OSBPL10: variants seen among roughly 807,000 people sequenced by gnomAD.
The protein encoded by OSBPL10 is oxysterol binding protein like 10.
OSBPL10 carries 49 observed loss-of-function variants against 81.7 expected under a neutral mutation model. The observed-to-expected ratio is 0.60, with a 90% CI of 0.48 to 0.76. The LOEUF is 0.76. Among genes scored for constraint, OSBPL10 ranks in the 30% least tolerant of loss-of-function variants. OSBPL10 has a pLI of 0.00. For missense variants in OSBPL10, 923 were observed against 987.8 expected (o/e 0.93, Z 0.88); for synonymous variants, 419 against 383.6 (o/e 1.09, Z -1.08).
chr3:31,709,792 G>A (rs1696194624), intron 6 of OSBPL10, among the ~76,000 whole-genome samples: 1 of 152,182 alleles, frequency 6.6e-6, no homozygotes, highest in African/African-American at 2.4e-5. Flanking sequence ...AGCAGGGAAA[G>A]GGCAGGGCCC....
intron 6 of OSBPL10, among the ~76,000 whole-genome samples, chr3:31,720,045 C>CAT (rs10628664): frequency 0.09 from 13,277 of 147,810 alleles, 1,442 homozygotes; most frequent in African/African-American, 0.26. Flanking sequence ...AGTTAAAGAA[C>CAT]ATATATATAT....
chr3:31,902,332 G>A (rs35835015), intron 1 of OSBPL10, among the ~76,000 whole-genome samples: 30,950 of 145,904 alleles, frequency 0.21, 3,897 homozygotes, highest in Admixed American at 0.31. Flanking sequence ...GCACCATCTC[G>A]GCTTACTGCA....
At chr3:32,026,045 TAGATAGATAGATGATAGATA>T (rs1235547909) in intron 2 of OSBPL10, among the ~76,000 whole-genome samples, 47 of 120,944 alleles carry the variant, frequency 3.9e-4, no homozygotes, top group African/African-American at 1.2e-3. Flanking sequence ...GATAGATAGA[TAGATAGATAGATGATAGATA>T]GATAGATAGA....
In OSBPL10 at chr3:31,824,796, A is replaced by G. The variant is rs371502320; in HGVS notation, c.729+5244T>C. Reference sequence around the variant, plus strand: ...TGGGTTCTTCCTTGTTTGCCAGCGGATATCTTGCAGTTGCGGGTATATCAT... The same window carrying G: ...TGGGTTCTTCCTTGTTTGCCAGCGGGTATCTTGCAGTTGCGGGTATATCAT... On this transcript the variant is annotated intron_variant, in intron 4 of 11. Coordinates refer to ENST00000396556, the MANE Select transcript of OSBPL10 (RefSeq NM_017784.5). Among the ~76,000 whole-genome samples, 233 of 152,172 alleles carry G rather than the reference A, an allele frequency of 1.5e-3. 1 individual carries two copies. The highest frequency in any genetic ancestry group is 5.4e-3 in the South Asian group (26 of 4,820).
chr3:31,726,940 C>T (rs1009995839), intron 6 of OSBPL10, among the ~76,000 whole-genome samples: 1 of 151,474 alleles, frequency 6.6e-6, no homozygotes, highest in Non-Finnish European at 1.5e-5. Flanking sequence ...ACCTCCCAGG[C>T]TCAAGGAATC....
chr3:31,812,204 G>A lies in OSBPL10; in HGVS notation c.729+17836C>T, dbSNP rs145916386. Among the ~76,000 whole-genome samples the A allele has an allele frequency of 2.5e-3, 383 of 152,160 alleles. 3 individuals are homozygous for A. The highest frequency in any genetic ancestry group is 8.5e-3 in the African/African-American group (355 of 41,546). On this transcript the variant is annotated intron_variant, in intron 4 of 11. Transcript: ENST00000396556. The stretch of plus-strand genomic sequence containing the variant: ...CTGCCACCATGCCCAGCTAATTTTT[G>A]TACTTTTAGTAGTGACGGGATTTTG...
In OSBPL10 at chr3:31,812,794, GAAAGAAAGAAAGAAAGAAAGAAAGAGAA is replaced by G. The variant is rs1559476442; in HGVS notation, c.729+17218_729+17245del. ...AGAAAGAAAGAAAGAAAGAAAGAAA[GAAAGAAAGAAAGAAAGAAAGAAAGAGAA>G]AGAAAGAAAGAAAGAAAGAAAGAAC... On this transcript the variant is annotated intron_variant, in intron 4 of 11. Transcript: ENST00000396556. Among the ~76,000 whole-genome samples, 329 of 46,566 alleles carry G rather than the reference GAAAGAAAGAAAGAAAGAAAGAAAGAGAA, an allele frequency of 7.1e-3. 2 individuals carry two copies. The highest frequency in any genetic ancestry group is 9.4e-3 in the Non-Finnish European group (242 of 25,718). The allele number at this position is 46,566 out of a possible 152,430, so 30.5% of individuals were successfully genotyped here. A position where few individuals can be genotyped will look rare whatever the true frequency, so the allele number is the denominator to read the frequency against.
chr3:31,891,671 T>C (rs1695894132), intron 1 of OSBPL10, among the ~76,000 whole-genome samples: 1 of 152,212 alleles, frequency 6.6e-6, no homozygotes, highest in South Asian at 2.1e-4. Context: ...GAGCTTGTGT[T>C]TGCCATTTTT....
intron 4 of OSBPL10, among the ~76,000 whole-genome samples, chr3:31,812,798 GAAAGAAAGAA>G (rs1559476457): frequency 1.9e-4 from 9 of 48,342 alleles, no homozygotes; most frequent in African/African-American, 8.8e-4. Flanking sequence ...AAGAAAGAAA[GAAAGAAAGAA>G]AGAAAGAAAG....
At chr3:31,913,232 T>C (rs867004902) in intron 1 of OSBPL10, among the ~76,000 whole-genome samples, 6 of 144,428 alleles carry the variant, frequency 4.2e-5, no homozygotes, top group South Asian at 2.3e-4. Flanking sequence ...TACTAGGTTT[T>C]TTTTTTTATT....
intron 1 of OSBPL10, among the ~76,000 whole-genome samples, chr3:31,957,588 T>G (rs1477796689): frequency 1.3e-5 from 2 of 152,240 alleles, no homozygotes; most frequent in Non-Finnish European, 1.5e-5. Context: ...TGGAGATATG[T>G]ACTTGGAGAT....
At chr3:31,754,569 G>C (rs556561354) in intron 4 of OSBPL10, among the ~76,000 whole-genome samples, 1 of 152,184 alleles carries the variant, frequency 6.6e-6, no homozygotes, top group Non-Finnish European at 1.5e-5. Flanking sequence ...CAAACAAAAG[G>C]TAAACAGGCG....
intron 2 of OSBPL10, among the ~76,000 whole-genome samples, chr3:32,022,329 AG>A (rs1167931420): frequency 6.6e-6 from 1 of 152,206 alleles, no homozygotes; most frequent in African/African-American, 2.4e-5. Flanking sequence ...CTCATACTTA[AG>A]ACCCAAACTC....
intron 6 of OSBPL10, among the ~76,000 whole-genome samples, chr3:31,717,947 C>G (rs1225263266): frequency 6.6e-6 from 1 of 152,114 alleles, no homozygotes; most frequent in African/African-American, 2.4e-5. Context: ...TGGGGTAATG[C>G]AAACGGTATG....
chr3:31,871,361 C>T (rs982480460), intron 3 of OSBPL10, among the ~76,000 whole-genome samples: 2 of 152,004 alleles, frequency 1.3e-5, no homozygotes, highest in Non-Finnish European at 2.9e-5. Context: ...CCTGAGCCAG[C>T]GAGACTATGA....
intron 2 of OSBPL10, among the ~76,000 whole-genome samples, chr3:32,023,841 T>C (rs1233317190): frequency 6.6e-6 from 1 of 152,224 alleles, no homozygotes; most frequent in African/African-American, 2.4e-5. Context: ...TTCCTATATA[T>C]GTAAACTTTA....
At chr3:31,743,663 GA>G (rs869306280) in intron 5 of OSBPL10, among the ~76,000 whole-genome samples, 2 of 138,414 alleles carry the variant, frequency 1.4e-5, no homozygotes, top group African/African-American at 2.5e-5. Context: ...GGGACAGAAG[GA>G]AAAAAAAACA....
At chr3:31,769,141 G>A (rs9875775) in intron 4 of OSBPL10, among the ~76,000 whole-genome samples, 7,754 of 152,114 alleles carry the variant, frequency 0.051, 646 homozygotes, top group African/African-American at 0.18. Context: ...ATGCAAGCAT[G>A]AAATAATCAA....
At chr3:31,760,241 G>A (rs1352404625) in intron 4 of OSBPL10, among the ~76,000 whole-genome samples, 2 of 152,144 alleles carry the variant, frequency 1.3e-5, no homozygotes, top group Non-Finnish European at 2.9e-5. Flanking sequence ...GTTGGAGGAG[G>A]TGAAAGGAGA....
Sources: gnomAD v4.1 joint callset for allele counts (sites outside exome capture counted in the v4.1 genomes callset) on GRCh38, gnomAD v4.1.1 for gene constraint, MANE v1.5 for transcripts, NCBI Gene and HGNC (gene_info 2026-07-23, HGNC 2026-07-21) for gene names.